Variants in TMEM184A observed in about 807,000 individuals in gnomAD.
TMEM184A encodes the protein transmembrane protein 184A.
A neutral mutation model predicts 39.5 loss-of-function variants in TMEM184A; 40 were observed. The observed-to-expected ratio is 1.01, with a 90% CI of 0.79 to 1.32. The LOEUF is 1.32. TMEM184A is among the 40% of genes most tolerant of loss of function. The pLI is 0.00. For missense variants in TMEM184A, 603 were observed against 568.8 expected (o/e 1.06, Z -0.61); for synonymous variants, 280 against 252.3 (o/e 1.11, Z -1.04).
At chr7:1,551,928 C>A (rs1184439816) in intron 2 of TMEM184A, among the ~76,000 whole-genome samples, 2 of 151,312 alleles carry the variant, frequency 1.3e-5, no homozygotes, top group African/African-American at 4.9e-5. Context: ...CAGAGCGAGA[C>A]CCTTTCTCAA....
chr7:1,555,697 C>T lies in TMEM184A; in HGVS notation c.1-213G>A, dbSNP rs1026788577. ...TCGAAGCTCACCCATCAACCACCTG[C>T]GACCTGAGGGTCCCACCTCAATTCC... On this transcript the variant is annotated intron_variant, in intron 1 of 8. Transcript: ENST00000297477. This position sits in a 1 kb window ranked among gnomAD's most constrained non-coding sequence, Gnocchi z 5.2. 2.0e-5 allele frequency among the ~76,000 whole-genome samples: 3 copies of T among 152,188 alleles called. No homozygotes were observed. The highest frequency in any genetic ancestry group is 6.5e-5 in the Admixed American group (1 of 15,284).
intron 3 of TMEM184A, 29 bp downstream of exon 3, chr7:1,550,787 TC>T: frequency 6.2e-7 from 1 of 1,608,700 alleles, no homozygotes. Context: ...CTCCCTCCGC[TC>T]CCCCGACCTG....
At chr7:1,550,450 C>T (rs951668380) in intron 3 of TMEM184A, 55 bp from the exon 4 acceptor site, 1 of 1,445,852 alleles carries the variant, frequency 6.9e-7, no homozygotes, top group African/African-American at 1.4e-5. Context: ...ACCGGGACCC[C>T]ATGGCGCCCA....
intron 8 of TMEM184A, 148 bp from the exon 9 acceptor site, chr7:1,547,329 C>G (rs1283375307): frequency 1.6e-6 from 1 of 616,846 alleles, no homozygotes; most frequent in African/African-American, 1.9e-5. Context: ...CCCTGGACCC[C>G]AGCCCAGCTT....
rs146216592 is a variant in TMEM184A at position 1,555,422 on chromosome 7, C to T, written c.63G>A (p.Pro21=). 1.6e-4 allele frequency: 254 copies of T among 1,611,320 alleles called. No homozygotes were observed. In the African/African-American group the frequency reaches 2.5e-3, roughly 16 times the overall value. ...AGVPLVSANW[P]QPSPPPAVPA... ...GCACAGCCGGTGGGGGGCTGGGCTG[C>T]GGCCAGTTCGCTGACACCAGGGGGA... The change falls in exon 2 of 9, where the codon CCG becomes CCA. Residue 21 remains proline (P), a synonymous_variant. Transcript: ENST00000297477. This position sits in a 1 kb window ranked among gnomAD's most constrained non-coding sequence, Gnocchi z 5.2.
chr7:1,550,261 T>C, intron 4 of TMEM184A, 44 bp downstream of exon 4: 1 of 1,609,136 alleles, frequency 6.2e-7, no homozygotes, highest in East Asian at 2.2e-5. Flanking sequence ...GGGCTCCCTG[T>C]CCCAGGTGTG....
In TMEM184A at chr7:1,556,204, C is replaced by T. The variant is rs1778561076; in HGVS notation, c.-91G>A. Reference sequence around the variant, plus strand: ...CATTCTCATGGCCACGTGGCCCCAACTGGAGGCCCCACTGTGGGTGCGGCA... The same window carrying T: ...CATTCTCATGGCCACGTGGCCCCAATTGGAGGCCCCACTGTGGGTGCGGCA... On this transcript the variant is annotated 5_prime_UTR_variant, in exon 1 of 9. Transcript: ENST00000297477. 6.6e-6 allele frequency: 1 copy of T among 152,444 alleles called. No homozygotes were observed. The highest frequency in any genetic ancestry group is 2.1e-4 in the South Asian group (1 of 4,844). The allele number at this position is 152,444 out of a possible 1,614,324, so 9.4% of individuals were successfully genotyped here. A position where few individuals can be genotyped will look rare whatever the true frequency, so the allele number is the denominator to read the frequency against.
At chr7:1,548,992 C>A in intron 6 of TMEM184A, 1 of 571,254 alleles carries the variant, frequency 1.8e-6, no homozygotes, top group Non-Finnish European at 3.3e-6. Context: ...CTGCCTCTGT[C>A]GGAACGCCAC....
intron 2 of TMEM184A, among the ~76,000 whole-genome samples, chr7:1,554,052 G>A (rs1778451308): frequency 6.6e-6 from 1 of 152,134 alleles, no homozygotes; most frequent in Non-Finnish European, 1.5e-5. Flanking sequence ...CTTACAGGAA[G>A]GGCCTGCCTC....
rs770943469 is a variant in TMEM184A, at chr7:1,548,555, T to G, written c.778A>C (p.Thr260Pro). 6.2e-7 allele frequency: 1 copy of G among 1,613,182 alleles called. No individual in the cohort carries two copies. The highest frequency in any genetic ancestry group is 1.7e-5 in the Admixed American group (1 of 59,962). ...GACAGGAAGATGACGGCTTTGATGG[T>G]GAGGAACTTGAGGACGGGCTGGAAG... ...RPFQPVLKFL[T>P]IKAVIFLSFW... Residue 260 changes from threonine to proline, a missense_variant, in exon 7 of 9, where the codon ACC (threonine) becomes CCC (proline). By Grantham distance (38) the Thr-to-Pro change is conservative (BLOSUM62 -1). Coordinates refer to ENST00000297477, the MANE Select transcript of TMEM184A (RefSeq NM_001097620.2).
At chr7:1,552,949 G>A (rs1346307827) in intron 2 of TMEM184A, among the ~76,000 whole-genome samples, 2 of 152,032 alleles carry the variant, frequency 1.3e-5, no homozygotes, top group Non-Finnish European at 2.9e-5. Context: ...CAGCTACTCG[G>A]GAGGCTGAGG....
chr7:1,551,031 G>A lies in TMEM184A; in HGVS notation c.220-49C>T, dbSNP rs756412067. On this transcript the variant is annotated intron_variant, in intron 2 of 8. Transcript: ENST00000297477. ...AGAGCCGGGCCCGCCTGGTACCCCTGGACCAGCCCAGGTGAGCCGGGAAGG... is the reference window on the plus strand; with the variant it reads ...AGAGCCGGGCCCGCCTGGTACCCCTAGACCAGCCCAGGTGAGCCGGGAAGG... 218 of 1,568,392 alleles carry A rather than the reference G, an allele frequency of 1.4e-4. 2 individuals are homozygous for A. Among genetic ancestry groups the A allele is most frequent in the Middle Eastern group, 8.8e-4 (4 of 4,526 alleles).
At position 1,546,995 on chromosome 7, in the gene TMEM184A, C is replaced by T. The variant is rs767073525; in HGVS notation, c.1199G>A (p.Arg400Gln). The T allele has an allele frequency of 1.3e-5, 21 of 1,589,248 alleles. No homozygotes were observed. The highest frequency in any genetic ancestry group is 5.5e-5 in the South Asian group (5 of 90,210). Residue 400 changes from arginine to glutamine, a missense_variant, in exon 9 of 9, where the codon CGG becomes CAG. Arg to Gln is a conservative substitution (Grantham distance 43). Transcript: ENST00000297477. ...SGGSGGSRKS[R>Q]SLEKRMLIPS... ...GATCAGCATCCGCTTCTCCAGGCTC[C>T]GGCTCTTCCTGCTCCCGCCGGAGCC...
At chr7:1,549,209 T>C in intron 6 of TMEM184A, 1 of 451,354 alleles carries the variant, frequency 2.2e-6, no homozygotes, top group Non-Finnish European at 4.4e-6. Flanking sequence ...GCGCATGTGC[T>C]GTGTGCATGT....
At chr7:1,550,732 A>G (rs6463921) in intron 3 of TMEM184A, 85 bp downstream of exon 3, 1,493,578 of 1,521,270 alleles carry the variant, frequency 0.98, 733,284 homozygotes, top group East Asian at 1. Flanking sequence ...TGCCCTGGGG[A>G]CTGGCCATGG....
At chr7:1,554,531 C>T (rs142027247) in intron 2 of TMEM184A, among the ~76,000 whole-genome samples, 27 of 152,314 alleles carry the variant, frequency 1.8e-4, no homozygotes, top group African/African-American at 6.0e-4. Context: ...CCCACCCCTG[C>T]GCACACCGCC....
intron 6 of TMEM184A, chr7:1,549,290 C>T (rs1453396504): frequency 3.3e-6 from 1 of 302,652 alleles, no homozygotes; most frequent in African/African-American, 6.9e-5. Context: ...GTGTGAGCAT[C>T]TGTGTGGTGT....
In TMEM184A at chr7:1,548,719, G is replaced by T. The variant is rs759971899; in HGVS notation, c.645-31C>A. The stretch of plus-strand genomic sequence containing the variant: ...ACAGACGGGGGCTGTGGTCAGGGCG[G>T]TCCCATGACCCCGCCACTGTCCCCA... On this transcript the variant is annotated intron_variant, in intron 6 of 8. Transcript: ENST00000297477. 4.4e-6 allele frequency: 7 copies of T among 1,578,514 alleles called. No homozygotes were observed. The East Asian group carries it at 1.4e-4, about 31-fold the overall frequency.
At chr7:1,548,108 G>T (rs1784421557) in intron 7 of TMEM184A, among the ~76,000 whole-genome samples, 169 bp from the exon 8 acceptor site, 1 of 152,158 alleles carries the variant, frequency 6.6e-6, no homozygotes, top group Non-Finnish European at 1.5e-5. Flanking sequence ...TCCAAAGTCG[G>T]GGGTCTCGGC....
Sources: gnomAD v4.1 joint callset for allele counts (sites outside exome capture counted in the v4.1 genomes callset) on GRCh38, gnomAD v4.1.1 for gene constraint, Gnocchi (gnomAD v3.1) non-coding constraint, MANE v1.5 for transcripts, NCBI Gene and HGNC (gene_info 2026-07-23, HGNC 2026-07-21) for gene names.